Variants in UBE2H observed in about 807,000 individuals in gnomAD.
UBE2H encodes ubiquitin conjugating enzyme E2 H, also known as ubiquitin-conjugating enzyme E2 H.
In UBE2H, 3 loss-of-function variants were observed where a neutral mutation model predicts 29.0. The ratio of observed to expected loss-of-function variants is 0.10; its 90% CI spans 0.05 to 0.27. The LOEUF (loss-of-function observed/expected upper bound fraction) is 0.27. Ranked by LOEUF, UBE2H falls within the 10% of genes least tolerant of loss-of-function variation. The probability of loss-of-function intolerance (pLI) is 1.00; values close to 1 mark genes in which losing one functional copy is unlikely to be tolerated. For missense variants in UBE2H, 68 were observed against 228.2 expected, an observed-to-expected ratio of 0.30 and a Z score of 4.52; for synonymous variants, 69 against 82.9, an observed-to-expected ratio of 0.83 and a Z score of 0.91.
intron 4 of UBE2H, among the ~76,000 whole-genome samples, chr7:129,857,929 G>A (rs1355997337): frequency 6.6e-6 from 1 of 152,092 alleles, no homozygotes; most frequent in Non-Finnish European, 1.5e-5. Context: ...TAATGATCAG[G>A]AAACATCAGA....
intron 1 of UBE2H, among the ~76,000 whole-genome samples, chr7:129,916,278 A>G (rs1297562357): frequency 6.6e-6 from 1 of 152,178 alleles, no homozygotes; most frequent in Non-Finnish European, 1.5e-5. Flanking sequence ...AAAAACAGGA[A>G]AACAGTTTCC....
At chr7:129,890,277 A>G (rs1273685741) in intron 1 of UBE2H, among the ~76,000 whole-genome samples, 4 of 151,572 alleles carry the variant, frequency 2.6e-5, no homozygotes, top group East Asian at 3.9e-4. Flanking sequence ...ATACACACGT[A>G]TATATATACA....
intron 1 of UBE2H, among the ~76,000 whole-genome samples, chr7:129,934,969 GTATA>G (rs1337534134): frequency 2.0e-5 from 3 of 150,114 alleles, no homozygotes; most frequent in Non-Finnish European, 4.4e-5. Context: ...ATATATATGT[GTATA>G]TATGTGTGTG....
intron 1 of UBE2H, among the ~76,000 whole-genome samples, chr7:129,890,284 TAC>T (rs901825622): frequency 1.3e-5 from 2 of 151,884 alleles, no homozygotes; most frequent in African/African-American, 4.8e-5. Flanking sequence ...CGTATATATA[TAC>T]ACGTGTATAT....
intron 5 of UBE2H, among the ~76,000 whole-genome samples, chr7:129,855,695 T>C (rs545395999): frequency 5.9e-5 from 9 of 152,194 alleles, no homozygotes; most frequent in African/African-American, 2.2e-4. Context: ...TCCAAGGGGA[T>C]AAGATAAATA....
intron 3 of UBE2H, among the ~76,000 whole-genome samples, chr7:129,866,681 C>T (rs1250621880): frequency 6.6e-6 from 1 of 152,144 alleles, no homozygotes; most frequent in Non-Finnish European, 1.5e-5. Flanking sequence ...TTACGTATTG[C>T]ATATATGTAC....
rs367930226 is a variant in UBE2H at position 129,864,556 on chromosome 7, C to CTTTTTTTTTTTTTTTTTT, written c.206-5616_206-5615insAAAAAAAAAAAAAAAAAA. 2.3e-5 allele frequency among the ~76,000 whole-genome samples: 3 copies of CTTTTTTTTTTTTTTTTTT among 130,976 alleles called. 1 individual carries two copies. The highest frequency in any genetic ancestry group is 1.6e-5 in the Non-Finnish European group (1 of 63,978). The allele number at this position is 130,976 out of a possible 152,430, so 85.9% of individuals were successfully genotyped here. On this transcript the variant is annotated intron_variant, in intron 3 of 6. Coordinates refer to ENST00000355621, the MANE Select transcript of UBE2H (RefSeq NM_003344.4). ...CAGGCATTTTCTTTTTCTTTTCTTT[C>CTTTTTTTTTTTTTTTTTT]TTTTTTTTTTTTTTTGAGACAGAAT...
At chr7:129,852,678 C>G (rs1488716965) in intron 5 of UBE2H, among the ~76,000 whole-genome samples, 1 of 152,038 alleles carries the variant, frequency 6.6e-6, no homozygotes, top group Non-Finnish European at 1.5e-5. Context: ...GTAAACTGCC[C>G]AATTTCATAA....
rs1051409879 is a variant in UBE2H at position 129,952,712 on chromosome 7, G to A, written c.-157C>T. The A allele has an allele frequency of 1.3e-6, 1 of 793,438 alleles. No homozygotes were observed. The highest frequency in any genetic ancestry group is 1.8e-6 in the Non-Finnish European group (1 of 560,912). 49.1% of individuals were successfully genotyped at this position (793,438 alleles called of 1,614,324 possible). A position where few individuals can be genotyped will look rare whatever the true frequency, so the allele number is the denominator to read the frequency against. Reference sequence around the variant, plus strand: ...CAGCCGCCGCCGCCGCCCCCCGCACGGGGGAACACCGGGCACTGTCCGGCC... The same window carrying A: ...CAGCCGCCGCCGCCGCCCCCCGCACAGGGGAACACCGGGCACTGTCCGGCC... On this transcript the variant is annotated 5_prime_UTR_variant, in exon 1 of 7. Coordinates refer to ENST00000355621, the MANE Select transcript of UBE2H (RefSeq NM_003344.4).
intron 1 of UBE2H, among the ~76,000 whole-genome samples, chr7:129,899,922 G>A (rs1806674943): frequency 6.6e-6 from 1 of 152,130 alleles, no homozygotes; most frequent in Non-Finnish European, 1.5e-5. Flanking sequence ...GAGGTGAGGA[G>A]TACGAGACCA....
At chr7:129,843,486 G>A (rs938421100) in intron 5 of UBE2H, among the ~76,000 whole-genome samples, 6 of 152,136 alleles carry the variant, frequency 3.9e-5, no homozygotes, top group Non-Finnish European at 8.8e-5. Flanking sequence ...TCAAACCTGA[G>A]CTCATCCACT....
At chr7:129,937,004 C>CA (rs1807544195) in intron 1 of UBE2H, among the ~76,000 whole-genome samples, 1 of 149,178 alleles carries the variant, frequency 6.7e-6, no homozygotes, top group South Asian at 2.1e-4. Flanking sequence ...CAAACAACAA[C>CA]AACAAAAAAA....
rs1805753678 is a variant in UBE2H, at chr7:129,858,943, T to C, written c.206-2A>G. The C allele has an allele frequency of 6.2e-7, 1 of 1,609,448 alleles. No individual in the cohort carries two copies. The highest frequency in any genetic ancestry group is 8.5e-7 in the Non-Finnish European group (1 of 1,177,364). On this transcript the variant is annotated splice_acceptor_variant, in intron 3 of 6. Coordinates refer to ENST00000355621, the MANE Select transcript of UBE2H (RefSeq NM_003344.4). LOFTEE classifies it high-confidence loss of function. ...GATGGAAAATTTTATTCATGAATCCTGTAAAAAGAGATGTTAATTAGCAGC... is the reference window on the plus strand; with the variant it reads ...GATGGAAAATTTTATTCATGAATCCCGTAAAAAGAGATGTTAATTAGCAGC...
intron 1 of UBE2H, among the ~76,000 whole-genome samples, chr7:129,933,178 A>C (rs982505090): frequency 6.6e-6 from 1 of 152,214 alleles, no homozygotes; most frequent in Non-Finnish European, 1.5e-5. Flanking sequence ...CTTTTATGGA[A>C]GGTGTGAGCT....
chr7:129,887,218 CTTTT>C (rs58727788), intron 1 of UBE2H, among the ~76,000 whole-genome samples: 2 of 103,962 alleles, frequency 1.9e-5, no homozygotes. Context: ...CTCTCTTGAA[CTTTT>C]TTTTTTTTTT....
At chr7:129,845,609 G>A (rs948808994) in intron 5 of UBE2H, among the ~76,000 whole-genome samples, 2 of 152,196 alleles carry the variant, frequency 1.3e-5, no homozygotes, top group African/African-American at 4.8e-5. Context: ...CACTTTGGAG[G>A]AGAATGGGTA....
intron 1 of UBE2H, among the ~76,000 whole-genome samples, chr7:129,893,392 A>G (rs979638742): frequency 3.3e-5 from 5 of 152,248 alleles, no homozygotes; most frequent in African/African-American, 1.2e-4. Flanking sequence ...TAAGACTCAT[A>G]GAAACATTTT....
At chr7:129,934,819 C>CA (rs1807488457) in intron 1 of UBE2H, among the ~76,000 whole-genome samples, 1 of 151,308 alleles carries the variant, frequency 6.6e-6, no homozygotes. Flanking sequence ...GTAATCCCAG[C>CA]ACTTTGGGAG....
intron 3 of UBE2H, among the ~76,000 whole-genome samples, chr7:129,868,935 C>CTTTT (rs34258788): frequency 8.3e-6 from 1 of 119,850 alleles, no homozygotes; most frequent in Non-Finnish European, 1.7e-5. Context: ...CTCTCTCTCT[C>CTTTT]TTTTTTTTTT....
Sources: gnomAD v4.1 joint callset for allele counts (sites outside exome capture counted in the v4.1 genomes callset) on GRCh38, gnomAD v4.1.1 for gene constraint, MANE v1.5 for transcripts, NCBI Gene and HGNC (gene_info 2026-07-23, HGNC 2026-07-21) for gene names.